INKA2: variants seen among roughly 807,000 people sequenced by gnomAD.
INKA2 encodes PAK4-inhibitor INKA2.
In INKA2, 3 loss-of-function variants were observed where a neutral mutation model predicts 9.8. That is an observed-to-expected ratio of 0.31 (90% confidence interval 0.14 to 0.79). The LOEUF is 0.79. Ranked by LOEUF, INKA2 falls within the 30% of genes least tolerant of loss-of-function variation. INKA2 has a pLI of 0.62. For synonymous variants in INKA2, 147 were observed against 143.3 expected (o/e 1.03, Z -0.18); for missense variants, 392 against 384.4 (o/e 1.02, Z -0.17).
intron 1 of INKA2, chr1:111,745,273 ATATATATATATATATATATATT>A: frequency 2.7e-5 from 1 of 37,538 alleles, no homozygotes. Context: ...TATTATATAT[ATATATATATATATATATATATT>A]TTTTTTTTTT....
At chr1:111,739,453 C>G (rs914687337), upstream of INKA2, 1 of 1,428,024 alleles carries the variant, frequency 7.0e-7, no homozygotes, top group Non-Finnish European at 9.2e-7. Context: ...AAAAGTGGGA[C>G]AGCCAATGAG....
intron 1 of INKA2, among the ~76,000 whole-genome samples, chr1:111,737,178 G>A (rs1220182806): frequency 6.6e-6 from 1 of 152,204 alleles, no homozygotes; most frequent in Non-Finnish European, 1.5e-5. Flanking sequence ...CCAAATGAAA[G>A]CTAATGGGGC....
At chr1:111,732,022 C>T (rs1478888288) in intron 1 of INKA2, among the ~76,000 whole-genome samples, 2 of 152,182 alleles carry the variant, frequency 1.3e-5, no homozygotes, top group African/African-American at 4.8e-5. Flanking sequence ...GGTGCCGACA[C>T]TGAAGGGCAA....
upstream of INKA2, among the ~76,000 whole-genome samples, chr1:111,739,611 C>G (rs972007850): frequency 1.3e-5 from 2 of 152,194 alleles, no homozygotes; most frequent in African/African-American, 4.8e-5. Flanking sequence ...GCCAGCGCGG[C>G]GGAGGGCATC....
At chr1:111,727,887 C>T (rs561697232) in intron 1 of INKA2, 83 bp from the exon 2 acceptor site, 1 of 1,321,434 alleles carries the variant, frequency 7.6e-7, no homozygotes, top group East Asian at 2.3e-5. Flanking sequence ...AGGTCCCCCA[C>T]CCAAACATAC....
intron 1 of INKA2, among the ~76,000 whole-genome samples, chr1:111,730,209 G>T (rs1662876203): frequency 6.6e-6 from 1 of 152,190 alleles, no homozygotes; most frequent in African/African-American, 2.4e-5. Flanking sequence ...AGTCAGAGGA[G>T]ACTCTAAGCC....
chr1:111,744,212 G>A (rs1257828087), upstream of INKA2, among the ~76,000 whole-genome samples: 2 of 152,220 alleles, frequency 1.3e-5, no homozygotes, highest in East Asian at 3.8e-4. Context: ...GAAGTGGCCT[G>A]TGTGTTGGGG....
chr1:111,727,340 T>C lies in INKA2; in HGVS notation c.522A>G (p.Glu174=). 1 of 1,614,098 alleles carries C rather than the reference T, an allele frequency of 6.2e-7. No homozygotes were observed. Among genetic ancestry groups the C allele is most frequent in the African/African-American group, 1.3e-5 (1 of 75,042 alleles). Residue 174 remains glutamate, a synonymous_variant, in exon 2 of 2, where the codon GAA becomes GAG. Transcript: ENST00000357260. ...DLVGNWLDLP[E]LEKGGEKGET... The stretch of plus-strand genomic sequence containing the variant: ...CACCCTTCTCCCCACCCTTCTCCAG[T>C]TCTGGCAAGTCTAGCCAATTGCCCA...
Position 111,727,489 on chromosome 1 carries a change from G to T in INKA2, c.373C>A (p.His125Asn), listed in dbSNP as rs765602502. The part of the protein sequence containing the change: ...DLAPLPRTQP[H>N]QSCAQQGPER... ...GGCCCCTGCTGAGCACAGCTTTGAT[G>T]TGGCTGTGTCCTGGGCAAGGGGGCT... The change falls in exon 2 of 2, where the codon CAT becomes AAT. Residue 125 changes from histidine to asparagine, a missense_variant. Coordinates refer to ENST00000357260, the MANE Select transcript of INKA2 (RefSeq NM_019099.5). The T allele has an allele frequency of 6.2e-7, 1 of 1,614,226 alleles. No homozygotes were observed. Among genetic ancestry groups the T allele is most frequent in the South Asian group, 1.1e-5 (1 of 91,084 alleles).
chr1:111,733,828 C>T (rs1662959474), intron 1 of INKA2, among the ~76,000 whole-genome samples: 1 of 152,212 alleles, frequency 6.6e-6, no homozygotes, highest in Non-Finnish European at 1.5e-5. Flanking sequence ...ACTGATCCCG[C>T]AGCTGTGCCC....
chr1:111,744,166 T>C (rs1161158823), upstream of INKA2, among the ~76,000 whole-genome samples: 1 of 152,184 alleles, frequency 6.6e-6, no homozygotes, highest in Non-Finnish European at 1.5e-5. Flanking sequence ...CTCTGACCCT[T>C]GTAATTCCAA....
At position 111,727,467 on chromosome 1, in the gene INKA2, C is replaced by T. The variant is rs771859200; in HGVS notation, c.395G>A (p.Gly132Glu). Residue 132 changes from glycine to glutamate, a missense_variant, in exon 2 of 2, where the codon GGG (glycine) becomes GAG (glutamate). By Grantham distance (98) the Gly-to-Glu change is moderately conservative (BLOSUM62 -2). Transcript: ENST00000357260. ...GTCATCCGGTTCCACTCGCTCTGGC[C>T]CCTGCTGAGCACAGCTTTGATGTGG... The part of the protein sequence containing the change: ...TQPHQSCAQQ[G>E]PERVEPDDWT... 3.7e-6 allele frequency: 6 copies of T among 1,614,112 alleles called. No homozygotes were observed. The highest frequency in any genetic ancestry group is 5.1e-6 in the Non-Finnish European group (6 of 1,180,050).
At chr1:111,754,860 A>T (rs197388) in intron 1 of INKA2, 39,536 of 152,208 alleles carry the variant, frequency 0.26, 6,598 homozygotes, top group African/African-American at 0.48. Flanking sequence ...AGACAGGCAG[A>T]AGACATATAA....
In INKA2 at chr1:111,727,958, A is replaced by G. The variant is rs1286962980; in HGVS notation, c.58-154T>C. 7 of 725,460 alleles carry G rather than the reference A, an allele frequency of 9.6e-6. No individual in the cohort carries two copies. In the Admixed American group the frequency reaches 1.4e-4, roughly 14 times the overall value. 44.9% of individuals were successfully genotyped at this position (725,460 alleles called of 1,614,324 possible). On this transcript the variant is annotated intron_variant, in intron 1 of 1. Transcript: ENST00000357260. ...CTCTCTATAGCCTAGTGCAGTGCAG[A>G]TCAGTGCTGGGTAAAGGAAATAATA... is the stretch of plus-strand genomic sequence containing the variant.
At chr1:111,746,652 G>A (rs768117461) in intron 1 of INKA2, 1 of 152,256 alleles carries the variant, frequency 6.6e-6, no homozygotes, top group Non-Finnish European at 1.5e-5. Flanking sequence ...TTGTGGGTAT[G>A]AGCCTCTGGT....
At chr1:111,729,616 T>C (rs1403837848) in intron 1 of INKA2, among the ~76,000 whole-genome samples, 1 of 152,210 alleles carries the variant, frequency 6.6e-6, no homozygotes. Flanking sequence ...CCTGATCAAG[T>C]TACCAACAGC....
intron 1 of INKA2, 25 bp downstream of exon 1, chr1:111,739,157 CCCTG>C (rs1323707337): frequency 3.1e-6 from 5 of 1,606,934 alleles, no homozygotes; most frequent in Non-Finnish European, 4.3e-6. Context: ...GAGCAGCCCT[CCCTG>C]CCCCGGCGCC....
chr1:111,734,346 T>G (rs1190396169), intron 1 of INKA2, among the ~76,000 whole-genome samples: 2 of 152,216 alleles, frequency 1.3e-5, no homozygotes, highest in Non-Finnish European at 2.9e-5. Flanking sequence ...TTCTCTCCGT[T>G]GCAGTCAATC....
chr1:111,728,481 C>T (rs1418221032), intron 1 of INKA2, among the ~76,000 whole-genome samples: 1 of 152,162 alleles, frequency 6.6e-6, no homozygotes, highest in Non-Finnish European at 1.5e-5. Context: ...TGTCCCACTC[C>T]AGATGCCATA....
Sources: gnomAD v4.1 joint callset for allele counts (sites outside exome capture counted in the v4.1 genomes callset) on GRCh38, gnomAD v4.1.1 for gene constraint, MANE v1.5 for transcripts, NCBI Gene and HGNC (gene_info 2026-07-23, HGNC 2026-07-21) for gene names.